LEF1: variants seen among roughly 807,000 people sequenced by gnomAD.
LEF1 encodes the protein lymphoid enhancer binding factor 1.
In LEF1, 14 loss-of-function variants were observed where a neutral mutation model predicts 51.2. The observed-to-expected ratio is 0.27, with a 90% CI of 0.18 to 0.43. LEF1 has a LOEUF of 0.43. LEF1 is among the 20% of genes least tolerant of loss of function. The pLI is 1.00. For missense variants in LEF1, 386 were observed against 512.0 expected, an observed-to-expected ratio of 0.75 and a Z score of 2.37; for synonymous variants, 185 against 183.2, an observed-to-expected ratio of 1.01 and a Z score of -0.08.
chr4:108,109,116 T>C (rs1046459695), intron 3 of LEF1, among the ~76,000 whole-genome samples: 5 of 152,262 alleles, frequency 3.3e-5, no homozygotes, highest in Admixed American at 6.5e-5. Context: ...GCTACTTATC[T>C]GCTGTGGGCA....
At chr4:108,149,045 G>C (rs1197389193) in intron 3 of LEF1, among the ~76,000 whole-genome samples, 1 of 152,204 alleles carries the variant, frequency 6.6e-6, no homozygotes, top group African/African-American at 2.4e-5. Context: ...ACAGATACAT[G>C]ATGTTGGTGT....
chr4:108,088,625 C>T (rs1739806266), intron 4 of LEF1, among the ~76,000 whole-genome samples: 1 of 152,152 alleles, frequency 6.6e-6, no homozygotes, highest in African/African-American at 2.4e-5. Flanking sequence ...GATTCTTGGA[C>T]TTTAAATAGA....
intron 3 of LEF1, among the ~76,000 whole-genome samples, chr4:108,096,945 T>C (rs983523853): frequency 1.3e-5 from 2 of 152,190 alleles, no homozygotes; most frequent in African/African-American, 4.8e-5. Flanking sequence ...TAATAACGAA[T>C]GGTGGCGTGG....
chr4:108,099,471 T>C (rs1165587441), intron 3 of LEF1, among the ~76,000 whole-genome samples: 1 of 149,802 alleles, frequency 6.7e-6, no homozygotes, highest in Non-Finnish European at 1.5e-5. Context: ...CAATATCCCA[T>C]ACTGAGAGTC....
intron 3 of LEF1, among the ~76,000 whole-genome samples, chr4:108,092,627 TCTC>T (rs1740096455): frequency 6.6e-6 from 1 of 152,120 alleles, no homozygotes; most frequent in Non-Finnish European, 1.5e-5. Flanking sequence ...ATTCATTTAA[TCTC>T]CTAATAAAAT....
At chr4:108,111,082 C>A (rs1232144286) in intron 3 of LEF1, among the ~76,000 whole-genome samples, 1 of 152,034 alleles carries the variant, frequency 6.6e-6, no homozygotes, top group East Asian at 1.9e-4. Flanking sequence ...CAATAACTAC[C>A]CCCAATATTT....
intron 3 of LEF1, among the ~76,000 whole-genome samples, chr4:108,137,674 C>CAGAT (rs1465703188): frequency 3.9e-5 from 6 of 152,250 alleles, no homozygotes; most frequent in African/African-American, 1.4e-4. Context: ...GAATCTTGCT[C>CAGAT]ATCTCACCCA....
At chr4:108,095,876 G>T (rs1322733504) in intron 3 of LEF1, among the ~76,000 whole-genome samples, 2 of 152,250 alleles carry the variant, frequency 1.3e-5, no homozygotes, top group South Asian at 4.1e-4. Flanking sequence ...AGGGACTGGG[G>T]TTAAGGTTAG....
chr4:108,130,227 T>C (rs1742787326), intron 3 of LEF1, among the ~76,000 whole-genome samples: 1 of 152,158 alleles, frequency 6.6e-6, no homozygotes, highest in Non-Finnish European at 1.5e-5. Context: ...ATAACACTGG[T>C]GACCAGAACC....
intron 3 of LEF1, among the ~76,000 whole-genome samples, chr4:108,122,198 G>T (rs942447648): frequency 1.3e-5 from 2 of 152,130 alleles, no homozygotes; most frequent in Non-Finnish European, 2.9e-5. Flanking sequence ...ATAGAGATAA[G>T]TTGAAATCTC....
rs754380519 is a variant in LEF1 at position 108,167,759 on chromosome 4, T to C, written c.9A>G (p.Gln3=). 7.4e-5 allele frequency: 119 copies of C among 1,612,302 alleles called. No individual in the cohort carries two copies. The highest frequency in any genetic ancestry group is 1.0e-4 in the Non-Finnish European group (118 of 1,179,844). Residue 3 remains glutamine (Q), a synonymous_variant, in exon 1 of 12, where the codon CAA becomes CAG. Coordinates refer to ENST00000265165, the MANE Select transcript of LEF1 (RefSeq NM_016269.5). This position sits in a 1 kb window ranked among gnomAD's most constrained non-coding sequence, Gnocchi z 5.7. ...CGCCGCCGCCACCTCCTCCGGAGAG[T>C]TGGGGCATCCCGGCGGCTCTGTAAT... MP[Q]LSGGGGGGGG...
intron 8 of LEF1, among the ~76,000 whole-genome samples, chr4:108,076,199 A>C (rs915839789): frequency 2.0e-5 from 3 of 152,114 alleles, no homozygotes; most frequent in African/African-American, 7.2e-5. Flanking sequence ...ACTGAATCTT[A>C]TTCCCTACAT....
At chr4:108,091,935 C>A (rs1012042210) in intron 3 of LEF1, among the ~76,000 whole-genome samples, 5 of 152,094 alleles carry the variant, frequency 3.3e-5, no homozygotes, top group East Asian at 1.9e-4. Context: ...AGCATAATTG[C>A]CAAACAATCT....
At chr4:108,082,545 T>G (rs1739378804) in intron 5 of LEF1, among the ~76,000 whole-genome samples, 2 of 151,944 alleles carry the variant, frequency 1.3e-5, no homozygotes, top group Non-Finnish European at 2.9e-5. Context: ...GGCTGTGACA[T>G]AGAGAGTCAA....
intron 2 of LEF1, 63 bp downstream of exon 2, chr4:108,165,034 C>G: frequency 7.0e-7 from 1 of 1,421,816 alleles, no homozygotes. Context: ...ACAAAACACA[C>G]CTATTTATAC....
intron 3 of LEF1, among the ~76,000 whole-genome samples, chr4:108,098,296 G>A (rs982461442): frequency 2.0e-5 from 3 of 152,116 alleles, no homozygotes; most frequent in African/African-American, 7.2e-5. Flanking sequence ...GGTTGGGCCT[G>A]AGAAATGGAC....
rs776075473 is a variant in LEF1 at position 108,064,327 on chromosome 4, G to C, written c.1165+9C>G. 3 of 1,606,718 alleles carry C rather than the reference G, an allele frequency of 1.9e-6. No individual in the cohort carries two copies. In the South Asian group the frequency reaches 3.3e-5, roughly 18 times the overall value. ...CTGAGGATTGACTGGAAAGTCTCATGGTGCCTACCTGATGCAGATTCCTGT... is the reference window on the plus strand; with the variant it reads ...CTGAGGATTGACTGGAAAGTCTCATCGTGCCTACCTGATGCAGATTCCTGT... On this transcript the variant is annotated intron_variant, in intron 10 of 11. Transcript: ENST00000265165.
intron 3 of LEF1, among the ~76,000 whole-genome samples, chr4:108,126,788 A>C (rs28617637): frequency 1.4e-5 from 2 of 142,510 alleles, no homozygotes; most frequent in South Asian, 2.3e-4. Flanking sequence ...CTGGGTGACA[A>C]AGGGAGACTT....
intron 3 of LEF1, among the ~76,000 whole-genome samples, chr4:108,129,272 A>G (rs188295292): frequency 1.1e-4 from 17 of 152,336 alleles, no homozygotes; most frequent in African/African-American, 4.1e-4. Flanking sequence ...TTAGTCAACC[A>G]AATCACTAGA....
Sources: allele counts gnomAD v4.1 joint callset (sites outside exome capture counted in the v4.1 genomes callset), GRCh38; gene constraint gnomAD v4.1.1; non-coding constraint Gnocchi (gnomAD v3.1); transcripts MANE v1.5; gene names NCBI Gene and HGNC (gene_info 2026-07-23, HGNC 2026-07-21).